HDAC9: variants seen among roughly 807,000 people sequenced by gnomAD.
HDAC9 encodes the protein MEF-2 interacting transcription repressor (MITR) protein.
Under a neutral mutation model 139.4 loss-of-function variants are expected in HDAC9, and 41 were observed. The observed-to-expected ratio is 0.29, with a 90% confidence interval of 0.23 to 0.38. The LOEUF is 0.38. Among genes scored for constraint, HDAC9 ranks in the 10% least tolerant of loss-of-function variants. The pLI is 1.00. For synonymous variants in HDAC9, 517 were observed against 476.2 expected (o/e 1.09, Z -1.12); for missense variants, 1,147 against 1,297.0 (o/e 0.88, Z 1.78).
Position 18,158,989 on chromosome 7 carries a change from G to A in HDAC9, c.-96-3240G>A, listed in dbSNP as rs554330671. ...CAGAGATGATCTTTTTGAAGCAAAG[G>A]ACTCTTAGTCTTTTATTGTGGATTT... On this transcript the variant is annotated intron_variant, in intron 1 of 12. Transcript: ENST00000417496. Among the ~76,000 whole-genome samples, 15 of 152,330 alleles carry A rather than the reference G, an allele frequency of 9.8e-5. No individual in the cohort carries two copies. In the South Asian group the frequency reaches 3.1e-3, roughly 32 times the overall value.
chr7:18,453,410 A>G (rs1003791392), intron 1 of HDAC9, among the ~76,000 whole-genome samples: 5 of 152,220 alleles, frequency 3.3e-5, no homozygotes, highest in African/African-American at 9.6e-5. Flanking sequence ...CTGCAAGCAC[A>G]TAATAGCCTA....
intron 17 of HDAC9, among the ~76,000 whole-genome samples, chr7:18,806,935 G>A (rs144497779): frequency 3.9e-5 from 6 of 152,052 alleles, no homozygotes; most frequent in Non-Finnish European, 2.9e-5. Context: ...GCAGTGTCCC[G>A]GCCTGGTTTG....
At chr7:18,090,835 C>A (rs935101237) in intron 1 of HDAC9, among the ~76,000 whole-genome samples, 6 of 151,468 alleles carry the variant, frequency 4.0e-5, no homozygotes, top group Non-Finnish European at 8.8e-5. Context: ...GATCTCATAT[C>A]TGAATAAATC....
chr7:18,417,555 G>A (rs943545864), intron 1 of HDAC9, among the ~76,000 whole-genome samples: 2 of 152,180 alleles, frequency 1.3e-5, no homozygotes, highest in African/African-American at 4.8e-5. Flanking sequence ...GTGCAGTTAA[G>A]TTACTTATAA....
intron 17 of HDAC9, among the ~76,000 whole-genome samples, chr7:18,802,600 G>A (rs1793394666): frequency 6.6e-6 from 1 of 151,300 alleles, no homozygotes; most frequent in South Asian, 2.1e-4. Context: ...ATTTAAAAAT[G>A]TGGTGTTGAA....
intron 12 of HDAC9, among the ~76,000 whole-genome samples, chr7:18,713,496 T>A (rs2129116325): frequency 6.6e-6 from 1 of 152,308 alleles, no homozygotes; most frequent in Non-Finnish European, 1.5e-5. Flanking sequence ...TCAAACATCA[T>A]GTTTAACACC....
intron 1 of HDAC9, among the ~76,000 whole-genome samples, chr7:18,331,792 T>G (rs1800946139): frequency 6.6e-6 from 1 of 151,642 alleles, no homozygotes. Context: ...TTTTAAATGC[T>G]ATATTCTATA....
intron 12 of HDAC9, among the ~76,000 whole-genome samples, chr7:18,719,593 G>A (rs1784987080): frequency 6.6e-6 from 1 of 152,038 alleles, no homozygotes; most frequent in Admixed American, 6.5e-5. Context: ...ACCCACCTTG[G>A]TCTCCCAAAG....
intron 2 of HDAC9, among the ~76,000 whole-genome samples, chr7:18,222,385 A>G (rs1792764238): frequency 6.6e-6 from 1 of 152,164 alleles, no homozygotes; most frequent in African/African-American, 2.4e-5. Context: ...TGTTTTCAAA[A>G]GGGCAGGTAG....
intron 22 of HDAC9, among the ~76,000 whole-genome samples, chr7:18,875,655 T>TTAAA (rs1365691033): frequency 6.6e-6 from 1 of 152,170 alleles, no homozygotes; most frequent in Non-Finnish European, 1.5e-5. Flanking sequence ...CAGGAAACTC[T>TTAAA]ACAAAGACAA....
At chr7:18,460,745 G>A (rs937838094) in intron 1 of HDAC9, among the ~76,000 whole-genome samples, 6 of 139,306 alleles carry the variant, frequency 4.3e-5, no homozygotes, top group African/African-American at 5.4e-5. Context: ...CTGAGATCGC[G>A]CCATTGCATT....
At chr7:18,177,285 G>A (rs771077764) in intron 2 of HDAC9, among the ~76,000 whole-genome samples, 1 of 152,202 alleles carries the variant, frequency 6.6e-6, no homozygotes, top group Non-Finnish European at 1.5e-5. Context: ...AAGACGGATG[G>A]ATCTGTGTCT....
chr7:18,990,982 G>C (rs534477833), intron 25 of HDAC9, among the ~76,000 whole-genome samples: 59 of 152,364 alleles, frequency 3.9e-4, no homozygotes, highest in African/African-American at 1.3e-3. Flanking sequence ...ACCTCAGATG[G>C]AAATGCAGAA....
At chr7:18,285,891 A>T (rs12672005), upstream of HDAC9, among the ~76,000 whole-genome samples, 2,585 of 152,224 alleles carry the variant, frequency 0.017, 28 homozygotes, top group Non-Finnish European at 0.026. Context: ...CATTTTAAAG[A>T]GACTAAATTT....
chr7:18,840,137 C>A (rs1379443071), intron 21 of HDAC9, among the ~76,000 whole-genome samples: 3 of 151,996 alleles, frequency 2.0e-5, no homozygotes, highest in African/African-American at 7.2e-5. Flanking sequence ...ATATAAGCCC[C>A]TTCAATTTAG....
chr7:18,791,253 T>G (rs536376188), intron 16 of HDAC9, among the ~76,000 whole-genome samples: 1 of 152,302 alleles, frequency 6.6e-6, no homozygotes, highest in East Asian at 1.9e-4. Flanking sequence ...GCTTAGGAAT[T>G]TTACATGGTT....
At chr7:18,391,482 G>T (rs1786484275) in intron 1 of HDAC9, among the ~76,000 whole-genome samples, 1 of 152,068 alleles carries the variant, frequency 6.6e-6, no homozygotes, top group Non-Finnish European at 1.5e-5. Flanking sequence ...TATTTTAGAT[G>T]TTTCGGGAAA....
intron 15 of HDAC9, among the ~76,000 whole-genome samples, chr7:18,765,108 A>T (rs940901410): frequency 6.6e-5 from 10 of 152,162 alleles, no homozygotes; most frequent in African/African-American, 2.4e-4. Context: ...CAGTGCATTG[A>T]TAAGACAACA....
chr7:18,666,708 G>A, intron 12 of HDAC9: 1 of 1,295,014 alleles, frequency 7.7e-7, no homozygotes, highest in African/African-American at 1.5e-5. Flanking sequence ...AAAATCCACT[G>A]GTAAGGAAAT....
Sources: allele counts gnomAD v4.1 joint callset (sites outside exome capture counted in the v4.1 genomes callset), GRCh38; gene constraint gnomAD v4.1.1; transcripts MANE v1.5; gene names NCBI Gene and HGNC (gene_info 2026-07-23, HGNC 2026-07-21).